Variants in MBNL2 observed in about 807,000 individuals in gnomAD.
MBNL2 encodes the protein muscleblind like splicing regulator 2.
MBNL2 carries 17 observed loss-of-function variants against 41.9 expected under a neutral mutation model. The ratio of observed to expected loss-of-function variants is 0.41; its 90% CI spans 0.28 to 0.61. MBNL2 has a LOEUF of 0.61. MBNL2 is among the 20% of genes least tolerant of loss of function. MBNL2 has a pLI of 0.35. For missense variants in MBNL2, 336 were observed against 505.6 expected (o/e 0.66, Z 3.22); for synonymous variants, 195 against 182.9 (o/e 1.07, Z -0.53).
chr13:97,330,904 G>A (rs2060381178), intron 2 of MBNL2, among the ~76,000 whole-genome samples: 1 of 152,146 alleles, frequency 6.6e-6, no homozygotes, highest in African/African-American at 2.4e-5. Flanking sequence ...CATCCGTGGT[G>A]CATAATTCTT....
the MBNL2 span, among the ~76,000 whole-genome samples, chr13:97,188,902 C>T: frequency 1.3e-5 from 2 of 151,930 alleles, no homozygotes; most frequent in African/African-American, 4.8e-5. Flanking sequence ...GATCCATGCC[C>T]TCTGAAACCG....
At chr13:97,226,116 G>A (rs78910594) in intron 1 of MBNL2, among the ~76,000 whole-genome samples, 1 of 152,070 alleles carries the variant, frequency 6.6e-6, no homozygotes, top group African/African-American at 2.4e-5. Flanking sequence ...GGCTGGGTCT[G>A]CATCAGGCCT....
rs1423819871 is a variant in MBNL2, at chr13:97,346,744, C to T, written c.541-60C>T. ...TCCGCTCCTCCCGCGGTGGCCGGGG[C>T]CGCAGGGGCGCCTGGGCTCAGGCTT... On this transcript the variant is annotated intron_variant, in intron 4 of 8. Coordinates refer to ENST00000679496, the MANE Select transcript of MBNL2 (RefSeq NM_001382683.1). The surrounding 1 kb of genome is among the most constrained non-coding windows in gnomAD (Gnocchi z 4.2). 22 of 1,508,280 alleles carry T rather than the reference C, an allele frequency of 1.5e-5. No individual in the cohort carries two copies. The highest frequency in any genetic ancestry group is 2.0e-5 in the Non-Finnish European group (22 of 1,102,490). 93.4% of individuals were successfully genotyped at this position (1,508,280 alleles called of 1,614,324 possible). A position where few individuals can be genotyped will look rare whatever the true frequency, so the allele number is the denominator to read the frequency against.
chr13:97,243,859 C>T (rs2044846665), intron 1 of MBNL2, among the ~76,000 whole-genome samples: 1 of 152,064 alleles, frequency 6.6e-6, no homozygotes, highest in African/African-American at 2.4e-5. Flanking sequence ...ATTTTATCCT[C>T]CGGCATGGAT....
At chr13:97,329,861 A>G (rs58380864) in intron 2 of MBNL2, among the ~76,000 whole-genome samples, 49,525 of 151,652 alleles carry the variant, frequency 0.33, 10,386 homozygotes, top group African/African-American at 0.6. Flanking sequence ...TGACCACCAC[A>G]CACTCCCTTG....
intron 3 of MBNL2, among the ~76,000 whole-genome samples, chr13:97,341,819 G>A (rs1386651831): frequency 2.6e-5 from 4 of 152,108 alleles, no homozygotes; most frequent in African/African-American, 9.7e-5. Flanking sequence ...TTAAACATAG[G>A]TTGTCATTTT....
chr13:97,273,692 C>T (rs1240335662), intron 1 of MBNL2, among the ~76,000 whole-genome samples: 5 of 152,140 alleles, frequency 3.3e-5, no homozygotes, highest in Non-Finnish European at 7.4e-5. Flanking sequence ...ATAAATGTTC[C>T]ATCATCAGAT....
chr13:97,282,155 C>A (rs1199138476), intron 2 of MBNL2, among the ~76,000 whole-genome samples: 1 of 151,892 alleles, frequency 6.6e-6, no homozygotes, highest in Non-Finnish European at 1.5e-5. Flanking sequence ...GAGATCAAGA[C>A]CAGCCTGGGC....
intron 8 of MBNL2, among the ~76,000 whole-genome samples, chr13:97,373,605 AATAT>A (rs35049420): frequency 1.4e-5 from 2 of 145,382 alleles, no homozygotes; most frequent in Non-Finnish European, 3.0e-5. Context: ...GTATGCTAAA[AATAT>A]ATATATATAT....
the MBNL2 span, among the ~76,000 whole-genome samples, chr13:97,190,204 A>G: frequency 6.6e-6 from 1 of 152,208 alleles, no homozygotes; most frequent in South Asian, 2.1e-4. Flanking sequence ...GCCCTCGAGG[A>G]TGCTGACGGT....
chr13:97,192,037 A>G, the MBNL2 span, among the ~76,000 whole-genome samples: 1 of 152,182 alleles, frequency 6.6e-6, no homozygotes, highest in Non-Finnish European at 1.5e-5. Flanking sequence ...GTCTTTAGCT[A>G]TATGCCCTAA....
At chr13:97,192,214 GA>G in the MBNL2 span, among the ~76,000 whole-genome samples, 1 of 152,068 alleles carries the variant, frequency 6.6e-6, no homozygotes, top group Non-Finnish European at 1.5e-5. Context: ...AAAAAGAGAG[GA>G]AAAAATCTTC....
At chr13:97,189,511 T>G in the MBNL2 span, among the ~76,000 whole-genome samples, 10 of 152,286 alleles carry the variant, frequency 6.6e-5, no homozygotes, top group African/African-American at 2.4e-4. Context: ...TATAAATACA[T>G]GTAGGTGTGT....
intron 7 of MBNL2, 151 bp downstream of exon 7, chr13:97,357,786 C>A (rs2063109497): frequency 1.3e-6 from 1 of 797,624 alleles, no homozygotes; most frequent in African/African-American, 1.7e-5. Context: ...ATGTATTTAC[C>A]TTACTTTGAA....
At chr13:97,187,583 C>A in the MBNL2 span, among the ~76,000 whole-genome samples, 1 of 101,032 alleles carries the variant, frequency 9.9e-6, no homozygotes. Context: ...AATCCTCAAA[C>A]TATGCAGCTT....
intron 7 of MBNL2, among the ~76,000 whole-genome samples, chr13:97,361,635 A>G (rs9584562): frequency 0.39 from 59,472 of 151,862 alleles, 11,749 homozygotes; most frequent in Admixed American, 0.45. Flanking sequence ...CAGTGTGGCT[A>G]CAGGAGCTGT....
intron 8 of MBNL2, among the ~76,000 whole-genome samples, chr13:97,374,808 G>C (rs1018767807): frequency 2.6e-5 from 4 of 152,086 alleles, no homozygotes; most frequent in Non-Finnish European, 4.4e-5. Flanking sequence ...TCCAATTTTA[G>C]GTTTTCTCAT....
At chr13:97,253,129 A>G (rs1297693278) in intron 1 of MBNL2, among the ~76,000 whole-genome samples, 1 of 152,340 alleles carries the variant, frequency 6.6e-6, no homozygotes, top group African/African-American at 2.4e-5. Context: ...AACAAAGTTC[A>G]GGATAGTACA....
chr13:97,333,205 A>C (rs1287102496), intron 2 of MBNL2, among the ~76,000 whole-genome samples: 1 of 152,210 alleles, frequency 6.6e-6, no homozygotes, highest in Non-Finnish European at 1.5e-5. Flanking sequence ...TCTTTAGGGA[A>C]GTATGATACT....
Sources: gnomAD v4.1 joint callset for allele counts (sites outside exome capture counted in the v4.1 genomes callset) on GRCh38, gnomAD v4.1.1 for gene constraint, Gnocchi (gnomAD v3.1) non-coding constraint, MANE v1.5 for transcripts, NCBI Gene and HGNC (gene_info 2026-07-23, HGNC 2026-07-21) for gene names.